The following TAMM41 variants were observed in gnomAD, a reference collection of about 807,000 sequenced individuals.
TAMM41 encodes TAM41 mitochondrial translocator assembly and maintenance homolog, also known as phosphatidate cytidylyltransferase, mitochondrial.
A neutral mutation model predicts 44.1 loss-of-function variants in TAMM41; 36 were observed. The ratio of observed to expected loss-of-function variants is 0.82; its 90% CI spans 0.63 to 1.08. TAMM41 has a LOEUF of 1.08. Ranked by LOEUF, TAMM41 falls within the 50% of genes least tolerant of loss-of-function variation. The pLI, the probability that TAMM41 is intolerant of heterozygous loss-of-function variation, is 0.00. For missense variants in TAMM41, 417 were observed against 404.3 expected, an observed-to-expected ratio of 1.03 and a Z score of -0.27; for synonymous variants, 164 against 153.1, an observed-to-expected ratio of 1.07 and a Z score of -0.53.
intron 4 of TAMM41, 46 bp downstream of exon 4, chr3:11,829,668 T>C (rs756747217): frequency 6.2e-7 from 1 of 1,605,444 alleles, no homozygotes; most frequent in Non-Finnish European, 8.5e-7. Flanking sequence ...AGTCTTCAAA[T>C]ATAAATCTCT....
chr3:11,781,672 T>C, the TAMM41 span, among the ~76,000 whole-genome samples: 1 of 151,346 alleles, frequency 6.6e-6, no homozygotes, highest in African/African-American at 2.4e-5. Flanking sequence ...GAGGTGGAGG[T>C]TGCAGTGAGC....
At chr3:11,791,586 C>T (rs2077477999) in intron 7 of TAMM41, among the ~76,000 whole-genome samples, 1 of 152,064 alleles carries the variant, frequency 6.6e-6, no homozygotes, top group South Asian at 2.1e-4. Context: ...AAAGTGCACA[C>T]CCCTGGCAGT....
At chr3:11,781,936 G>A in the TAMM41 span, among the ~76,000 whole-genome samples, 2 of 152,232 alleles carry the variant, frequency 1.3e-5, no homozygotes, top group African/African-American at 4.8e-5. Context: ...TATCATGCAT[G>A]TATCATCTCT....
chr3:11,779,023 A>T, the TAMM41 span, among the ~76,000 whole-genome samples: 5 of 152,080 alleles, frequency 3.3e-5, no homozygotes, highest in African/African-American at 1.2e-4. Flanking sequence ...GCCTAATAGG[A>T]GGTGTCTGGG....
chr3:11,788,823 G>C (rs906931929), downstream of TAMM41, among the ~76,000 whole-genome samples: 3 of 152,068 alleles, frequency 2.0e-5, no homozygotes, highest in Admixed American at 6.6e-5. Context: ...TGTAATCCCA[G>C]CTACTCGGGA....
chr3:11,765,363 G>C, the TAMM41 span, among the ~76,000 whole-genome samples: 1 of 152,136 alleles, frequency 6.6e-6, no homozygotes, highest in African/African-American at 2.4e-5. Context: ...GCTTTCACAT[G>C]AATCAGGAAT....
chr3:11,779,812 T>C, the TAMM41 span, among the ~76,000 whole-genome samples: 1 of 152,174 alleles, frequency 6.6e-6, no homozygotes, highest in African/African-American at 2.4e-5. Context: ...CGCAGCATGT[T>C]CAGACCCGAA....
intron 7 of TAMM41, chr3:11,807,541 C>T: frequency 1.3e-6 from 2 of 1,536,060 alleles, no homozygotes; most frequent in Non-Finnish European, 1.7e-6. Context: ...GCATCTGTAA[C>T]TTTGATAAAT....
At chr3:11,725,373 TCC>T in the TAMM41 span, among the ~76,000 whole-genome samples, 2,465 of 144,824 alleles carry the variant, frequency 0.017, 38 homozygotes, top group Non-Finnish European at 0.021. Flanking sequence ...CTTCTCCTCC[TCC>T]TCTTCCTCCT....
the TAMM41 span, among the ~76,000 whole-genome samples, chr3:11,728,841 G>T: frequency 6.6e-6 from 1 of 151,804 alleles, no homozygotes; most frequent in African/African-American, 2.4e-5. Flanking sequence ...AAACCCCGTC[G>T]CCACTAAAAA....
intron 2 of TAMM41, among the ~76,000 whole-genome samples, chr3:11,839,633 G>A (rs1467767864): frequency 6.6e-6 from 1 of 152,180 alleles, no homozygotes; most frequent in Non-Finnish European, 1.5e-5. Flanking sequence ...TCATGCCTGG[G>A]CGTAGGTCAA....
chr3:11,809,474 C>T (rs2078020108), intron 6 of TAMM41, 43 bp downstream of exon 6: 1 of 1,607,746 alleles, frequency 6.2e-7, no homozygotes, highest in Non-Finnish European at 8.5e-7. Flanking sequence ...GTCTGCTTTT[C>T]CCCATGGCTG....
intron 2 of TAMM41, among the ~76,000 whole-genome samples, chr3:11,839,656 G>A (rs776644073): frequency 2.0e-5 from 3 of 152,204 alleles, no homozygotes; most frequent in Admixed American, 6.5e-5. Context: ...CAACCAAGGA[G>A]GAGGAATATA....
the TAMM41 span, among the ~76,000 whole-genome samples, chr3:11,780,732 C>G: frequency 6.6e-6 from 1 of 152,108 alleles, no homozygotes; most frequent in Non-Finnish European, 1.5e-5. Context: ...TATAGTTACC[C>G]CTGTAATTAA....
At chr3:11,768,769 GC>G in the TAMM41 span, among the ~76,000 whole-genome samples, 7 of 152,182 alleles carry the variant, frequency 4.6e-5, no homozygotes, top group African/African-American at 1.4e-4. Context: ...ATTTCCAGTA[GC>G]TCACTATCTA....
chr3:11,772,160 T>A, the TAMM41 span, among the ~76,000 whole-genome samples: 8 of 151,558 alleles, frequency 5.3e-5, no homozygotes, highest in African/African-American at 1.9e-4. Flanking sequence ...AAACTCCACC[T>A]CCCAGGTTCA....
At chr3:11,722,737 A>G in the TAMM41 span, among the ~76,000 whole-genome samples, 8 of 151,904 alleles carry the variant, frequency 5.3e-5, no homozygotes, top group Non-Finnish European at 1.2e-4. Flanking sequence ...TTGGGAGGCC[A>G]AGGTGGGCGA....
intron 3 of TAMM41, among the ~76,000 whole-genome samples, chr3:11,831,547 T>G (rs919063272): frequency 1.3e-5 from 2 of 152,182 alleles, no homozygotes; most frequent in African/African-American, 4.8e-5. Flanking sequence ...TTTCTACCTA[T>G]TCTAGAAAAC....
At chr3:11,780,486 G>A in the TAMM41 span, among the ~76,000 whole-genome samples, 3 of 152,192 alleles carry the variant, frequency 2.0e-5, no homozygotes, top group Non-Finnish European at 4.4e-5. Context: ...TAGTCAAGAG[G>A]TTAAGAGGGA....
Sources: allele counts gnomAD v4.1 joint callset (sites outside exome capture counted in the v4.1 genomes callset), GRCh38; gene constraint gnomAD v4.1.1; transcripts MANE v1.5; gene names NCBI Gene and HGNC (gene_info 2026-07-23, HGNC 2026-07-21).